The following BCAS3 variants were observed in gnomAD, a reference collection of about 807,000 sequenced individuals.
The protein encoded by BCAS3 is BCAS4/BCAS3 fusion.
Under a neutral mutation model 116.1 loss-of-function variants are expected in BCAS3, and 53 were observed. The ratio of observed to expected loss-of-function variants is 0.46; its 90% CI spans 0.37 to 0.57. BCAS3 has a LOEUF of 0.57. BCAS3 is among the 20% of genes least tolerant of loss of function. The probability of loss-of-function intolerance (pLI) is 0.00; values close to 1 mark genes in which losing one functional copy is unlikely to be tolerated. For synonymous variants in BCAS3, 391 were observed against 408.2 expected, an observed-to-expected ratio of 0.96 and a Z score of 0.51; for missense variants, 917 against 1,165.4, an observed-to-expected ratio of 0.79 and a Z score of 3.10.
rs1420031972 is a variant in BCAS3 at position 61,106,511 on chromosome 17, G to A, written c.2425+21947G>A. Among the ~76,000 whole-genome samples, 2 of 152,192 alleles carry A rather than the reference G, an allele frequency of 1.3e-5. No individual in the cohort carries two copies. The highest frequency in any genetic ancestry group is 2.4e-5 in the African/African-American group (1 of 41,454). ...GGTTTGTACAAGCATACTCTATGAT[G>A]TTTGCACAGTGATGAAATCACCTAA... On this transcript the variant is annotated intron_variant, in intron 22 of 23. Coordinates refer to ENST00000407086, the MANE Select transcript of BCAS3 (RefSeq NM_017679.5). The surrounding 1 kb of genome is among the most constrained non-coding windows in gnomAD (Gnocchi z 4.2).
chr17:60,734,596 C>T (rs1326759871), intron 5 of BCAS3, among the ~76,000 whole-genome samples: 1 of 152,146 alleles, frequency 6.6e-6, no homozygotes, highest in East Asian at 1.9e-4. Flanking sequence ...TATCTTGGCT[C>T]CATTGTATTA....
intron 9 of BCAS3, 63 bp downstream of exon 9, chr17:60,874,801 C>A: frequency 2.0e-6 from 2 of 1,000,276 alleles, no homozygotes; most frequent in Non-Finnish European, 1.5e-6. Context: ...TTGACACAAT[C>A]AGCAAACTAA....
intron 6 of BCAS3, among the ~76,000 whole-genome samples, chr17:60,778,938 T>G (rs1168585343): frequency 4.6e-5 from 7 of 152,230 alleles, no homozygotes. Flanking sequence ...AAAATTTCCT[T>G]GTGTCTGAAG....
chr17:61,239,328 A>G lies in BCAS3; in HGVS notation c.2426-128999A>G, dbSNP rs1217270150. ...ACCATCAAAGATAGTTATATATCCA[A>G]GAGGAAAGCCTGAGTTTGAAATAAT... On this transcript the variant is annotated intron_variant, in intron 22 of 23. Transcript: ENST00000407086. This position sits in a 1 kb window ranked among gnomAD's most constrained non-coding sequence, Gnocchi z 4.2. 6.6e-6 allele frequency among the ~76,000 whole-genome samples: 1 copy of G among 152,262 alleles called. No individual in the cohort carries two copies. The highest frequency in any genetic ancestry group is 1.5e-5 in the Non-Finnish European group (1 of 68,046).
chr17:61,322,280 G>A (rs946689198), intron 22 of BCAS3, among the ~76,000 whole-genome samples: 2 of 152,224 alleles, frequency 1.3e-5, no homozygotes, highest in African/African-American at 4.8e-5. Flanking sequence ...GTGACCTCAT[G>A]TGTAAAGGTG....
At chr17:60,972,092 G>A (rs1195570268) in intron 14 of BCAS3, among the ~76,000 whole-genome samples, 1 of 152,188 alleles carries the variant, frequency 6.6e-6, no homozygotes, top group Non-Finnish European at 1.5e-5. Flanking sequence ...AAGTCTAGTA[G>A]GTGGTCTGTT....
intron 14 of BCAS3, among the ~76,000 whole-genome samples, chr17:60,979,265 A>G (rs1312548440): frequency 6.7e-6 from 1 of 149,192 alleles, no homozygotes; most frequent in African/African-American, 2.5e-5. Flanking sequence ...CTTTGAAGCA[A>G]TTGTGAATGG....
chr17:61,104,335 T>G lies in BCAS3; in HGVS notation c.2425+19771T>G, dbSNP rs1425259619. Among the ~76,000 whole-genome samples the G allele has an allele frequency of 1.3e-5, 2 of 152,152 alleles. No individual in the cohort carries two copies. Among genetic ancestry groups the G allele is most frequent in the East Asian group, 1.9e-4 (1 of 5,194 alleles). Reference sequence around the variant, plus strand: ...TTTTCTGCTTTTATTTTTTAAAAACTTTTTAAAAAAAGTTTTTCATATAAC... The same window carrying G: ...TTTTCTGCTTTTATTTTTTAAAAACGTTTTAAAAAAAGTTTTTCATATAAC... On this transcript the variant is annotated intron_variant, in intron 22 of 23. Transcript: ENST00000407086. This position sits in a 1 kb window ranked among gnomAD's most constrained non-coding sequence, Gnocchi z 4.1.
chr17:61,142,992 C>T (rs989822504), intron 22 of BCAS3, among the ~76,000 whole-genome samples: 5 of 152,054 alleles, frequency 3.3e-5, no homozygotes, highest in Admixed American at 6.5e-5. Flanking sequence ...GCATTTGTTC[C>T]CTTTTAGAAT....
chr17:60,689,887 A>G, intron 4 of BCAS3, 126 bp downstream of exon 4: 1 of 648,168 alleles, frequency 1.5e-6, no homozygotes, highest in Non-Finnish European at 2.6e-6. Flanking sequence ...TTTTCAAAAT[A>G]AAAGGTAGCA....
chr17:60,727,265 T>A, intron 5 of BCAS3: 1 of 1,061,972 alleles, frequency 9.4e-7, no homozygotes, highest in Non-Finnish European at 1.5e-6. Context: ...GCAGTTAGGC[T>A]CAACACATTC....
intron 22 of BCAS3, among the ~76,000 whole-genome samples, chr17:61,359,209 C>T (rs1223058144): frequency 6.6e-6 from 1 of 152,214 alleles, no homozygotes; most frequent in Non-Finnish European, 1.5e-5. Context: ...CATAGAATCC[C>T]ACTGCCCCAA....
rs1344571689 is a variant in BCAS3, at chr17:61,131,533, G to A, written c.2425+46969G>A. Among the ~76,000 whole-genome samples, 1 of 152,198 alleles carries A rather than the reference G, an allele frequency of 6.6e-6. No individual in the cohort carries two copies. The highest frequency in any genetic ancestry group is 1.5e-5 in the Non-Finnish European group (1 of 68,034). ...ACTCATAATTAAGTATGAACAATTT[G>A]CATTTGAGATTTTAAAATAAAGCCT... On this transcript the variant is annotated intron_variant, in intron 22 of 23. Transcript: ENST00000407086. This position sits in a 1 kb window ranked among gnomAD's most constrained non-coding sequence, Gnocchi z 4.4.
chr17:61,125,346 T>G (rs1015916107), intron 22 of BCAS3, among the ~76,000 whole-genome samples: 3 of 152,306 alleles, frequency 2.0e-5, no homozygotes, highest in Non-Finnish European at 4.4e-5. Context: ...AAATGTGCAT[T>G]ATTCTGTGTC....
intron 6 of BCAS3, among the ~76,000 whole-genome samples, chr17:60,795,167 A>AT (rs1001947568): frequency 3.3e-5 from 5 of 151,684 alleles, no homozygotes; most frequent in South Asian, 2.1e-4. Flanking sequence ...TTTTATTTTT[A>AT]TTTTTGCAGC....
intron 6 of BCAS3, among the ~76,000 whole-genome samples, chr17:60,788,427 A>C (rs569408681): frequency 5.9e-5 from 9 of 152,344 alleles, no homozygotes; most frequent in Non-Finnish European, 1.3e-4. Context: ...AAAGTGAAAT[A>C]GAAGGTACCA....
chr17:60,828,487 G>A (rs9896207), intron 7 of BCAS3, among the ~76,000 whole-genome samples: 1 of 151,912 alleles, frequency 6.6e-6, no homozygotes, highest in Admixed American at 6.6e-5. Context: ...TTGATTTTCT[G>A]GTATCAAAGT....
intron 6 of BCAS3, among the ~76,000 whole-genome samples, chr17:60,794,448 C>T (rs1196586773): frequency 2.0e-5 from 3 of 152,018 alleles, no homozygotes; most frequent in Non-Finnish European, 2.9e-5. Context: ...ATTGCATTTG[C>T]TTTTGGGTTC....
At chr17:61,103,782 T>TC (rs1378750822) in intron 22 of BCAS3, among the ~76,000 whole-genome samples, 2 of 152,234 alleles carry the variant, frequency 1.3e-5, no homozygotes, top group Non-Finnish European at 2.9e-5. Flanking sequence ...GTTTCATCTC[T>TC]ATAAGGAAAA....
Sources: gnomAD v4.1 joint callset for allele counts (sites outside exome capture counted in the v4.1 genomes callset) on GRCh38, gnomAD v4.1.1 for gene constraint, Gnocchi (gnomAD v3.1) non-coding constraint, MANE v1.5 for transcripts, NCBI Gene and HGNC (gene_info 2026-07-23, HGNC 2026-07-21) for gene names.